Variants in SLC2A13 observed in about 807,000 individuals in gnomAD.
SLC2A13 encodes the protein proton myo-inositol cotransporter.
SLC2A13 carries 32 observed loss-of-function variants against 64.4 expected under a neutral mutation model. The ratio of observed to expected loss-of-function variants is 0.50; its 90% CI spans 0.37 to 0.67. The LOEUF (loss-of-function observed/expected upper bound fraction) is 0.67. Ranked by LOEUF, SLC2A13 falls within the 30% of genes least tolerant of loss-of-function variation. The pLI is 0.00. For missense variants in SLC2A13, 743 were observed against 829.2 expected, an observed-to-expected ratio of 0.90 and a Z score of 1.28; for synonymous variants, 338 against 327.1, an observed-to-expected ratio of 1.03 and a Z score of -0.36.
At chr12:39,864,610 C>CCT (rs2135926214) in intron 6 of SLC2A13, 152 bp downstream of exon 6, 1 of 1,010,820 alleles carries the variant, frequency 9.9e-7, no homozygotes, top group South Asian at 2.0e-5. Flanking sequence ...CCTAGGGGCC[C>CCT]CTCTCTACCA....
At chr12:39,866,313 GGATCAGATGAC>G (rs989386367) in intron 5 of SLC2A13, among the ~76,000 whole-genome samples, 2 of 152,112 alleles carry the variant, frequency 1.3e-5, no homozygotes, top group African/African-American at 4.8e-5. Flanking sequence ...GGTGACCTTG[GGATCAGATGAC>G]TGTAGTTTTT....
intron 4 of SLC2A13, among the ~76,000 whole-genome samples, chr12:39,907,046 A>G (rs144058683): frequency 0.01 from 1,558 of 152,280 alleles, 37 homozygotes; most frequent in African/African-American, 0.036. Flanking sequence ...AAATTAACCC[A>G]TAAATCAATT....
intron 4 of SLC2A13, among the ~76,000 whole-genome samples, chr12:39,941,994 T>C (rs1259458525): frequency 6.6e-6 from 1 of 152,204 alleles, no homozygotes; most frequent in Non-Finnish European, 1.5e-5. Context: ...TGTTTTTGTT[T>C]GCATTGTCGA....
intron 6 of SLC2A13, among the ~76,000 whole-genome samples, chr12:39,851,503 A>T (rs1943467508): frequency 6.6e-6 from 1 of 152,232 alleles, no homozygotes; most frequent in Non-Finnish European, 1.5e-5. Context: ...TTAATCTATA[A>T]GCAAGATGGC....
intron 3 of SLC2A13, among the ~76,000 whole-genome samples, chr12:39,958,145 C>T (rs931871007): frequency 1.6e-4 from 25 of 152,148 alleles, no homozygotes; most frequent in Admixed American, 1.4e-3. Context: ...CTTCATATAT[C>T]CTGAATCTAA....
intron 4 of SLC2A13, among the ~76,000 whole-genome samples, chr12:39,878,400 T>C (rs1944248183): frequency 6.6e-6 from 1 of 152,244 alleles, no homozygotes; most frequent in Non-Finnish European, 1.5e-5. Flanking sequence ...GATAGTGATA[T>C]GGACGGTGAA....
At chr12:39,763,834 G>A (rs562372445) in intron 9 of SLC2A13, among the ~76,000 whole-genome samples, 1 of 152,166 alleles carries the variant, frequency 6.6e-6, no homozygotes, top group African/African-American at 2.4e-5. Flanking sequence ...AAGCACTATT[G>A]TTTTTCATTT....
chr12:39,838,756 C>A (rs571025271), intron 6 of SLC2A13, among the ~76,000 whole-genome samples: 1 of 152,006 alleles, frequency 6.6e-6, no homozygotes, highest in African/African-American at 2.4e-5. Flanking sequence ...CTCAGAAAAT[C>A]TTTTAAAAAT....
chr12:40,079,066 C>T (rs776295145), intron 1 of SLC2A13, among the ~76,000 whole-genome samples: 4 of 152,028 alleles, frequency 2.6e-5, no homozygotes, highest in Non-Finnish European at 5.9e-5. Flanking sequence ...TGCATTCTTT[C>T]GAAGAACCAA....
chr12:39,989,561 T>C (rs546315768), intron 3 of SLC2A13, among the ~76,000 whole-genome samples: 1 of 152,284 alleles, frequency 6.6e-6, no homozygotes, highest in South Asian at 2.1e-4. Context: ...TAATCAAAAA[T>C]GGATGTCTTG....
chr12:40,082,251 C>G (rs546976981), intron 1 of SLC2A13, among the ~76,000 whole-genome samples: 14 of 152,320 alleles, frequency 9.2e-5, no homozygotes, highest in African/African-American at 3.4e-4. Flanking sequence ...AAGTTAAAAG[C>G]CAGGAGGTTA....
chr12:39,896,254 ATG>A (rs1253229519), intron 4 of SLC2A13, among the ~76,000 whole-genome samples: 208 of 99,744 alleles, frequency 2.1e-3, no homozygotes, highest in African/African-American at 7.0e-3. Flanking sequence ...GTATACATGT[ATG>A]TATATGTGTG....
intron 1 of SLC2A13, chr12:40,068,339 T>C (rs1340343383): frequency 7.4e-6 from 3 of 403,722 alleles, no homozygotes; most frequent in Admixed American, 2.8e-5. Flanking sequence ...ATTTTCCACA[T>C]GCTGTGCCCA....
At chr12:39,783,748 G>C (rs980306773) in intron 7 of SLC2A13, among the ~76,000 whole-genome samples, 1 of 152,034 alleles carries the variant, frequency 6.6e-6, no homozygotes, top group African/African-American at 2.4e-5. Flanking sequence ...TGAGTTCTTT[G>C]TAGATTCTGG....
intron 7 of SLC2A13, among the ~76,000 whole-genome samples, chr12:39,782,344 C>T (rs765006861): frequency 9.2e-5 from 14 of 152,052 alleles, no homozygotes; most frequent in African/African-American, 1.2e-4. Flanking sequence ...ATCATGGGGG[C>T]GGCCGGTCTT....
intron 7 of SLC2A13, among the ~76,000 whole-genome samples, chr12:39,786,628 A>C (rs1941199447): frequency 6.6e-6 from 1 of 152,198 alleles, no homozygotes; most frequent in African/African-American, 2.4e-5. Context: ...AGGATGGTCA[A>C]AGCCATCTGG....
At chr12:39,770,310 A>C (rs1199856679) in intron 7 of SLC2A13, among the ~76,000 whole-genome samples, 3 of 152,142 alleles carry the variant, frequency 2.0e-5, no homozygotes, top group Non-Finnish European at 4.4e-5. Flanking sequence ...CAGAGTTGCT[A>C]TGAACATCTA....
chr12:39,853,607 C>CTTTTTTTTTTTT (rs748984164), intron 6 of SLC2A13, among the ~76,000 whole-genome samples: 1 of 136,140 alleles, frequency 7.3e-6, no homozygotes, highest in African/African-American at 2.7e-5. Flanking sequence ...TTCTTTCTTT[C>CTTTTTTTTTTTT]TTTTTTTTTT....
At chr12:40,011,158 G>A (rs1288366114) in intron 3 of SLC2A13, among the ~76,000 whole-genome samples, 1 of 152,120 alleles carries the variant, frequency 6.6e-6, no homozygotes, top group African/African-American at 2.4e-5. Context: ...AATAATAACG[G>A]TAGGCAGGGT....
Sources: allele counts gnomAD v4.1 joint callset (sites outside exome capture counted in the v4.1 genomes callset), GRCh38; gene constraint gnomAD v4.1.1; transcripts MANE v1.5; gene names NCBI Gene and HGNC (gene_info 2026-07-23, HGNC 2026-07-21).